Variants in SHISA9 observed in about 807,000 individuals in gnomAD.
SHISA9 encodes shisa family member 9.
Under a neutral mutation model 38.0 loss-of-function variants are expected in SHISA9, and 13 were observed. The observed-to-expected ratio is 0.34, with a 90% CI of 0.22 to 0.54. SHISA9 has a LOEUF of 0.54. Among genes scored for constraint, SHISA9 ranks in the 20% least tolerant of loss-of-function variants. The probability of loss-of-function intolerance (pLI) is 0.91; values close to 1 mark genes in which losing one functional copy is unlikely to be tolerated. For missense variants in SHISA9, 538 were observed against 575.8 expected (o/e 0.93, Z 0.67); for synonymous variants, 275 against 242.0 (o/e 1.14, Z -1.27).
At chr16:13,469,161 G>T in the SHISA9 span, among the ~76,000 whole-genome samples, 6 of 151,326 alleles carry the variant, frequency 4.0e-5, no homozygotes, top group Non-Finnish European at 7.4e-5. Context: ...AGAACAGCTT[G>T]AAACCTGGAG....
chr16:13,129,765 T>A (rs76901011), intron 2 of SHISA9, among the ~76,000 whole-genome samples: 2 of 152,150 alleles, frequency 1.3e-5, no homozygotes, highest in Non-Finnish European at 2.9e-5. Context: ...AGGGGAAGTC[T>A]GACCTCTAGA....
At chr16:13,255,977 A>G in the SHISA9 span, among the ~76,000 whole-genome samples, 3 of 152,214 alleles carry the variant, frequency 2.0e-5, no homozygotes, top group Non-Finnish European at 4.4e-5. Flanking sequence ...GAGGTGTCAT[A>G]TAACAACCTT....
At chr16:13,394,787 G>A in the SHISA9 span, among the ~76,000 whole-genome samples, 1 of 152,172 alleles carries the variant, frequency 6.6e-6, no homozygotes, top group African/African-American at 2.4e-5. Flanking sequence ...AATTGCTGTA[G>A]AAGAATCAGG....
At chr16:12,917,241 C>A (rs1453534155) in intron 2 of SHISA9, among the ~76,000 whole-genome samples, 1 of 152,152 alleles carries the variant, frequency 6.6e-6, no homozygotes, top group African/African-American at 2.4e-5. Context: ...CCAGTTGTGA[C>A]TTCTAGGTTT....
At chr16:12,935,470 T>C (rs1596537574) in intron 2 of SHISA9, among the ~76,000 whole-genome samples, 1 of 152,148 alleles carries the variant, frequency 6.6e-6, no homozygotes, top group Non-Finnish European at 1.5e-5. Flanking sequence ...CTAGGCATAA[T>C]AATGAAGCCT....
chr16:12,938,453 G>C (rs1273772066), intron 2 of SHISA9, among the ~76,000 whole-genome samples: 1 of 151,926 alleles, frequency 6.6e-6, no homozygotes, highest in Non-Finnish European at 1.5e-5. Context: ...TTCTCTCCAA[G>C]TCAGCTTACA....
At chr16:13,153,970 G>A (rs1398848931) in intron 2 of SHISA9, among the ~76,000 whole-genome samples, 1 of 151,658 alleles carries the variant, frequency 6.6e-6, no homozygotes, top group Non-Finnish European at 1.5e-5. Flanking sequence ...AGTGGGGGTG[G>A]GGGTGGGTTG....
At chr16:13,066,415 A>C (rs1471218401) in intron 2 of SHISA9, among the ~76,000 whole-genome samples, 1 of 152,032 alleles carries the variant, frequency 6.6e-6, no homozygotes, top group Non-Finnish European at 1.5e-5. Context: ...ATGTTTATTC[A>C]TTTTCTGTCT....
rs114672131 is a variant in SHISA9 at position 13,076,965 on chromosome 16, G to C, written c.692-126429G>C. 5.5e-3 allele frequency among the ~76,000 whole-genome samples: 845 copies of C among 152,254 alleles called. 6 individuals are homozygous for C. Among genetic ancestry groups the C allele is most frequent in the African/African-American group, 0.019 (803 of 41,556 alleles). ...CATGACCTTAGCTCGTAGTGTCAAT[G>C]ACACTTTGCCTGGGTTACAACCGGG... On this transcript the variant is annotated intron_variant, in intron 2 of 4. Transcript: ENST00000558583.
At chr16:13,389,656 A>C in the SHISA9 span, among the ~76,000 whole-genome samples, 1 of 152,218 alleles carries the variant, frequency 6.6e-6, no homozygotes, top group Non-Finnish European at 1.5e-5. Flanking sequence ...GCAGCATTCC[A>C]GATCACTTGG....
intron 1 of SHISA9, among the ~76,000 whole-genome samples, chr16:12,915,863 A>T (rs905639659): frequency 2.6e-5 from 4 of 152,196 alleles, no homozygotes; most frequent in Non-Finnish European, 5.9e-5. Context: ...TCTTTCAAGG[A>T]TATTCATATG....
chr16:13,436,849 C>T, the SHISA9 span, among the ~76,000 whole-genome samples: 1 of 152,118 alleles, frequency 6.6e-6, no homozygotes, highest in East Asian at 1.9e-4. Flanking sequence ...TTAAGATCAA[C>T]CAGAAGTAAA....
chr16:12,912,291 T>A (rs1166891161), intron 1 of SHISA9, among the ~76,000 whole-genome samples: 4 of 152,180 alleles, frequency 2.6e-5, no homozygotes, highest in Non-Finnish European at 5.9e-5. Context: ...GGGAAAAGTG[T>A]CCTTGGACTT....
rs145099516 is a variant in SHISA9, at chr16:13,162,790, T to C, written c.692-40604T>C. ...ATTTGAAAAAGATTCTAATTGCTAG[T>C]GTTCTGGAAAGGAAAGCAAATTAAG... On this transcript the variant is annotated intron_variant, in intron 2 of 4. Coordinates refer to ENST00000558583, the MANE Select transcript of SHISA9 (RefSeq NM_001145204.3). Among the ~76,000 whole-genome samples the C allele has an allele frequency of 3.8e-3, 577 of 151,972 alleles. 3 individuals carry two copies. Among genetic ancestry groups the C allele is most frequent in the African/African-American group, 0.012 (514 of 41,456 alleles).
At chr16:13,277,134 G>A in the SHISA9 span, among the ~76,000 whole-genome samples, 2 of 152,066 alleles carry the variant, frequency 1.3e-5, no homozygotes, top group African/African-American at 2.4e-5. Context: ...CCTACATGTG[G>A]CTAGCCAATT....
In SHISA9 at chr16:13,238,610, A is replaced by C. The variant is rs2051407628; in HGVS notation, c.*3201A>C. ...TCTGCAGTTGTAATTTTGGCAGCAA[A>C]GGTGCAGACTGGTCATTAAGATGTA... On this transcript the variant is annotated 3_prime_UTR_variant, in exon 5 of 5. Transcript: ENST00000558583. 6.6e-6 allele frequency: 1 copy of C among 152,046 alleles called. No individual in the cohort carries two copies. The highest frequency in any genetic ancestry group is 6.6e-5 in the Admixed American group (1 of 15,264). 9.4% of individuals were successfully genotyped at this position (152,046 alleles called of 1,614,324 possible).
chr16:12,936,833 T>C (rs995103684), intron 2 of SHISA9, among the ~76,000 whole-genome samples: 7 of 152,188 alleles, frequency 4.6e-5, no homozygotes, highest in African/African-American at 1.7e-4. Flanking sequence ...CTATGAATGA[T>C]GCCATATGGC....
chr16:13,215,087 G>C (rs1036596928), intron 4 of SHISA9, among the ~76,000 whole-genome samples: 4 of 152,148 alleles, frequency 2.6e-5, no homozygotes, highest in Non-Finnish European at 4.4e-5. Context: ...GTGGGTAGAG[G>C]ATGGAGAGAA....
chr16:12,919,211 T>C (rs2071297180), intron 2 of SHISA9, among the ~76,000 whole-genome samples: 1 of 152,238 alleles, frequency 6.6e-6, no homozygotes. Flanking sequence ...TCCAGTCTGA[T>C]AAATGGAAAA....
Sources: gnomAD v4.1 joint callset for allele counts (sites outside exome capture counted in the v4.1 genomes callset) on GRCh38, gnomAD v4.1.1 for gene constraint, MANE v1.5 for transcripts, NCBI Gene and HGNC (gene_info 2026-07-23, HGNC 2026-07-21) for gene names.